Variants in ALCAM observed in about 807,000 individuals in gnomAD.
The protein encoded by ALCAM is activated leukocyte cell adhesion molecule, also known as CD166 antigen.
Under a neutral mutation model 70.9 loss-of-function variants are expected in ALCAM, and 30 were observed. The observed-to-expected ratio is 0.42, with a 90% CI of 0.32 to 0.57. ALCAM has a LOEUF of 0.57. Ranked by LOEUF, ALCAM falls within the 20% of genes least tolerant of loss-of-function variation. The pLI is 0.11. For synonymous variants in ALCAM, 249 were observed against 242.5 expected, an observed-to-expected ratio of 1.03 and a Z score of -0.25; for missense variants, 591 against 695.1, an observed-to-expected ratio of 0.85 and a Z score of 1.68.
intron 1 of ALCAM, among the ~76,000 whole-genome samples, chr3:105,415,698 C>A (rs1209608622): frequency 1.3e-5 from 2 of 152,014 alleles, no homozygotes; most frequent in African/African-American, 4.8e-5. Flanking sequence ...TCTGTGCCCT[C>A]TTTCTTTTCA....
intron 1 of ALCAM, among the ~76,000 whole-genome samples, chr3:105,474,728 G>A (rs1276821980): frequency 6.6e-6 from 1 of 151,626 alleles, no homozygotes; most frequent in Non-Finnish European, 1.5e-5. Flanking sequence ...GAAGAAAGTT[G>A]AGATCATTGA....
chr3:105,454,303 T>G (rs1937502680), intron 1 of ALCAM, among the ~76,000 whole-genome samples: 1 of 152,214 alleles, frequency 6.6e-6, no homozygotes. Context: ...TCTCATTTAG[T>G]GGCAACCAAG....
At chr3:105,538,492 A>G (rs1418419247) in intron 6 of ALCAM, among the ~76,000 whole-genome samples, 1 of 152,132 alleles carries the variant, frequency 6.6e-6, no homozygotes, top group Non-Finnish European at 1.5e-5. Flanking sequence ...TGTTACATTA[A>G]CCCTTTGATG....
At chr3:105,448,066 G>A (rs1937339561) in intron 1 of ALCAM, among the ~76,000 whole-genome samples, 1 of 152,066 alleles carries the variant, frequency 6.6e-6, no homozygotes, top group South Asian at 2.1e-4. Context: ...AATCAGTTGG[G>A]ATTATGATTT....
At chr3:105,403,479 C>A (rs1576138323) in intron 1 of ALCAM, among the ~76,000 whole-genome samples, 1 of 152,032 alleles carries the variant, frequency 6.6e-6, no homozygotes, top group Non-Finnish European at 1.5e-5. Flanking sequence ...CCTAGAAGAG[C>A]AAAAACAATC....
intron 1 of ALCAM, among the ~76,000 whole-genome samples, chr3:105,386,223 TGAAG>T (rs1935651463): frequency 6.6e-6 from 1 of 151,612 alleles, no homozygotes; most frequent in African/African-American, 2.4e-5. Context: ...TAAACAAATC[TGAAG>T]GAAGAAGAAA....
intron 1 of ALCAM, among the ~76,000 whole-genome samples, chr3:105,496,914 A>G (rs1938759051): frequency 6.6e-6 from 1 of 151,838 alleles, no homozygotes; most frequent in Non-Finnish European, 1.5e-5. Flanking sequence ...AGAGCAATGA[A>G]GAAGTGTAAT....
At position 105,558,097 on chromosome 3, in the gene ALCAM, G is replaced by A. The variant is rs532392870; in HGVS notation, c.1664+5512G>A. On this transcript the variant is annotated intron_variant, in intron 14 of 15. Coordinates refer to ENST00000306107, the MANE Select transcript of ALCAM (RefSeq NM_001627.4). ...AAGGGGAAAAAATAACCATACTCCTGGGCATGACCCTAACTACCTGCACAG... is the reference window on the plus strand; with the variant it reads ...AAGGGGAAAAAATAACCATACTCCTAGGCATGACCCTAACTACCTGCACAG... Among the ~76,000 whole-genome samples, 7 of 152,054 alleles carry A rather than the reference G, an allele frequency of 4.6e-5. No individual in the cohort carries two copies. The South Asian group carries it at 1.5e-3, about 32-fold the overall frequency.
intron 3 of ALCAM, among the ~76,000 whole-genome samples, chr3:105,527,933 C>A (rs1407326756): frequency 1.1e-4 from 8 of 71,966 alleles, no homozygotes; most frequent in Middle Eastern, 9.6e-3. Flanking sequence ...GGGGAGGAAG[C>A]AGAAAATGTT....
At chr3:105,403,635 G>C (rs1936148476) in intron 1 of ALCAM, among the ~76,000 whole-genome samples, 1 of 151,938 alleles carries the variant, frequency 6.6e-6, no homozygotes, top group Non-Finnish European at 1.5e-5. Context: ...CCAACGAAAA[G>C]GAATCAGAAA....
rs899078715 is a variant in ALCAM, at chr3:105,506,558, C to T, written c.74-13509C>T. Among the ~76,000 whole-genome samples, 7 of 152,132 alleles carry T rather than the reference C, an allele frequency of 4.6e-5. No individual in the cohort carries two copies. The East Asian group carries it at 9.6e-4, about 21-fold the overall frequency. On this transcript the variant is annotated intron_variant, in intron 1 of 15. Transcript: ENST00000306107. The stretch of plus-strand genomic sequence containing the variant: ...AAGCCCTGCTAGGACTCTTACAGCT[C>T]GTCTTTATAACCTAGTATTCCTTTA...
chr3:105,437,026 G>T (rs1937065166), intron 1 of ALCAM, among the ~76,000 whole-genome samples: 1 of 152,210 alleles, frequency 6.6e-6, no homozygotes, highest in Admixed American at 6.5e-5. Flanking sequence ...TGAGAATACA[G>T]ATGTGAACAA....
chr3:105,392,418 T>A (rs1462288789), intron 1 of ALCAM, among the ~76,000 whole-genome samples: 1 of 151,898 alleles, frequency 6.6e-6, no homozygotes, highest in Non-Finnish European at 1.5e-5. Flanking sequence ...AGTGGTGATA[T>A]CTCCTTTATC....
intron 1 of ALCAM, among the ~76,000 whole-genome samples, chr3:105,469,897 A>G (rs1472413646): frequency 6.6e-6 from 1 of 150,912 alleles, no homozygotes; most frequent in African/African-American, 2.4e-5. Flanking sequence ...TCATATTGGA[A>G]CTTAAATTCC....
chr3:105,472,615 A>G (rs114467490), intron 1 of ALCAM, among the ~76,000 whole-genome samples: 597 of 151,668 alleles, frequency 3.9e-3, no homozygotes, highest in African/African-American at 0.014. Flanking sequence ...GAAACTGAGG[A>G]GCAAATAGGA....
chr3:105,560,866 G>C (rs772990993), intron 14 of ALCAM, among the ~76,000 whole-genome samples: 1 of 152,024 alleles, frequency 6.6e-6, no homozygotes, highest in Non-Finnish European at 1.5e-5. Flanking sequence ...TAATCTTCTG[G>C]TTGTTTCAGA....
chr3:105,538,441 C>T (rs868837267), intron 6 of ALCAM, among the ~76,000 whole-genome samples: 8 of 152,218 alleles, frequency 5.3e-5, no homozygotes, highest in Middle Eastern at 6.8e-3. Context: ...GAGGTAAACA[C>T]GTTAGTGGAC....
chr3:105,493,569 C>A (rs1038622641), intron 1 of ALCAM, among the ~76,000 whole-genome samples: 1 of 151,648 alleles, frequency 6.6e-6, no homozygotes, highest in African/African-American at 2.4e-5. Flanking sequence ...GTGAGGAAGA[C>A]GTAGATACAG....
chr3:105,473,374 TC>T (rs1937990157), intron 1 of ALCAM, among the ~76,000 whole-genome samples: 2 of 151,556 alleles, frequency 1.3e-5, no homozygotes, highest in Non-Finnish European at 3.0e-5. Context: ...AACATCCAAC[TC>T]CCTTCTACCA....
Sources: gnomAD v4.1 joint callset for allele counts (sites outside exome capture counted in the v4.1 genomes callset) on GRCh38, gnomAD v4.1.1 for gene constraint, MANE v1.5 for transcripts, NCBI Gene and HGNC (gene_info 2026-07-23, HGNC 2026-07-21) for gene names.